Variants in NTRK3 observed in about 807,000 individuals in gnomAD.
The protein encoded by NTRK3 is NT-3 growth factor receptor.
In NTRK3, 24 loss-of-function variants were observed where a neutral mutation model predicts 91.7. That is an observed-to-expected ratio of 0.26 (90% CI 0.19 to 0.37). NTRK3 has a LOEUF of 0.37. Ranked by LOEUF, NTRK3 falls within the 10% of genes least tolerant of loss-of-function variation. The pLI is 1.00. For synonymous variants in NTRK3, 483 were observed against 404.0 expected (o/e 1.20, Z -2.34); for missense variants, 880 against 1,068.9 (o/e 0.82, Z 2.46).
chr15:88,105,715 C>A (rs79910527), intron 13 of NTRK3, among the ~76,000 whole-genome samples: 4,260 of 151,998 alleles, frequency 0.028, 159 homozygotes, highest in East Asian at 0.11. Flanking sequence ...ACACACACCC[C>A]CACACCAGAA....
intron 14 of NTRK3, among the ~76,000 whole-genome samples, chr15:87,975,196 T>C (rs1462483949): frequency 1.3e-5 from 2 of 152,178 alleles, no homozygotes; most frequent in Non-Finnish European, 2.9e-5. Context: ...CAGGACCTCA[T>C]CATGTAATGC....
intron 13 of NTRK3, among the ~76,000 whole-genome samples, chr15:88,091,856 G>A (rs1368299382): frequency 6.6e-6 from 1 of 152,186 alleles, no homozygotes; most frequent in Non-Finnish European, 1.5e-5. Flanking sequence ...CAATTCCTGT[G>A]TGCTATCTAA....
At chr15:88,211,652 G>A (rs949576232) in intron 3 of NTRK3, among the ~76,000 whole-genome samples, 3 of 152,210 alleles carry the variant, frequency 2.0e-5, no homozygotes, top group Non-Finnish European at 4.4e-5. Flanking sequence ...GGAGTCCAAG[G>A]TGAACTAGTT....
At chr15:88,106,782 A>T (rs1032273518) in intron 13 of NTRK3, among the ~76,000 whole-genome samples, 7 of 151,872 alleles carry the variant, frequency 4.6e-5, no homozygotes, top group African/African-American at 7.3e-5. Context: ...AATACAAAAC[A>T]ATTAGCTGGG....
chr15:88,079,670 C>G (rs2047874566), intron 13 of NTRK3, among the ~76,000 whole-genome samples: 1 of 152,112 alleles, frequency 6.6e-6, no homozygotes, highest in Non-Finnish European at 1.5e-5. Context: ...CATTTGACTC[C>G]AAAATTCCAC....
intron 14 of NTRK3, among the ~76,000 whole-genome samples, chr15:88,003,826 A>AT (rs35312227): frequency 0.25 from 33,614 of 136,436 alleles, 4,212 homozygotes; most frequent in Middle Eastern, 0.39. Flanking sequence ...ATATATTTGG[A>AT]TTTTTTTTTT....
rs369458632 is a variant in NTRK3 at position 87,966,069 on chromosome 15, C to T, written c.1586-25316G>A. Among the ~76,000 whole-genome samples, 629 of 145,588 alleles carry T rather than the reference C, an allele frequency of 4.3e-3. 4 individuals carry two copies. Among genetic ancestry groups the T allele is most frequent in the African/African-American group, 0.016 (603 of 37,570 alleles). On this transcript the variant is annotated intron_variant, in intron 14 of 18. Coordinates refer to ENST00000394480, the Ensembl canonical transcript of NTRK3. Reference sequence around the variant, plus strand: ...TTCCAGCCTGGATGATAGAGCAAAACTGTCTCAAACAAACAAACAAACAAA... The same window carrying T: ...TTCCAGCCTGGATGATAGAGCAAAATTGTCTCAAACAAACAAACAAACAAA...
intron 14 of NTRK3, among the ~76,000 whole-genome samples, chr15:87,998,768 A>C (rs915460670): frequency 2.0e-5 from 3 of 152,220 alleles, no homozygotes; most frequent in African/African-American, 7.2e-5. Context: ...CACTGCAATC[A>C]TGCTAATTAA....
chr15:88,143,399 G>T (rs1168894194), intron 6 of NTRK3, among the ~76,000 whole-genome samples: 1 of 152,210 alleles, frequency 6.6e-6, no homozygotes, highest in African/African-American at 2.4e-5. Flanking sequence ...AGCCTTTGAA[G>T]GGAGTGTGGC....
intron 13 of NTRK3, among the ~76,000 whole-genome samples, chr15:88,064,460 T>G (rs929298471): frequency 3.2e-4 from 49 of 152,312 alleles, no homozygotes; most frequent in Middle Eastern, 3.4e-3. Context: ...GGTTCTTTTT[T>G]TTTCTCTAAT....
rs2141953291 is a variant in NTRK3 at position 87,932,992 on chromosome 15, G to A, written c.1889+20C>T. 6.2e-7 allele frequency: 1 copy of A among 1,613,566 alleles called. No homozygotes were observed. Among genetic ancestry groups the A allele is most frequent in the Non-Finnish European group, 8.5e-7 (1 of 1,179,892 alleles). ...CGGTGGGACTGGGGTCAGGTGCAGG[G>A]GAAGACAATCCTTGCTTACCTGAGG... On this transcript the variant is annotated intron_variant, in intron 16 of 18. Coordinates refer to ENST00000394480, the Ensembl canonical transcript of NTRK3.
intron 14 of NTRK3, among the ~76,000 whole-genome samples, chr15:87,974,979 T>C (rs945765988): frequency 2.0e-5 from 3 of 152,106 alleles, no homozygotes; most frequent in African/African-American, 7.2e-5. Flanking sequence ...CAAAAGCATT[T>C]TGAGGTGTCA....
chr15:87,959,026 C>T (rs1361571017), intron 14 of NTRK3, among the ~76,000 whole-genome samples: 1 of 150,184 alleles, frequency 6.7e-6, no homozygotes, highest in Non-Finnish European at 1.5e-5. Flanking sequence ...TCCACTCTAC[C>T]CAATGCCCTT....
Position 87,880,260 on chromosome 15 carries a change from C to G in NTRK3, c.2292+10G>C, listed in dbSNP as rs1484487270. On this transcript the variant is annotated intron_variant, in intron 18 of 18. Transcript: ENST00000394480. ...CCCCCAATCAAGATTCCTACGCACCCCCTTTTTACCTCCGTGTTTGAGAGT... is the reference window on the plus strand; with the variant it reads ...CCCCCAATCAAGATTCCTACGCACCGCCTTTTTACCTCCGTGTTTGAGAGT... 6.2e-7 allele frequency: 1 copy of G among 1,614,026 alleles called. No individual in the cohort carries two copies. Among genetic ancestry groups the G allele is most frequent in the South Asian group, 1.1e-5 (1 of 91,070 alleles).
chr15:88,165,992 C>T (rs1392330602), intron 5 of NTRK3, among the ~76,000 whole-genome samples: 2 of 152,176 alleles, frequency 1.3e-5, no homozygotes, highest in Non-Finnish European at 2.9e-5. Context: ...AGGGGACAAA[C>T]CCACCCACAT....
chr15:87,930,670 G>A (rs1382518977), intron 16 of NTRK3, among the ~76,000 whole-genome samples: 11 of 152,260 alleles, frequency 7.2e-5, no homozygotes, highest in African/African-American at 1.9e-4. Context: ...GAGAACAGCC[G>A]ACAGGATGCC....
intron 14 of NTRK3, among the ~76,000 whole-genome samples, chr15:87,961,068 A>G (rs1160769786): frequency 2.6e-5 from 4 of 152,094 alleles, no homozygotes; most frequent in African/African-American, 4.8e-5. Flanking sequence ...CAGTCTGACT[A>G]ATGCCTACCT....
chr15:88,001,088 C>T (rs957464853), intron 14 of NTRK3, among the ~76,000 whole-genome samples: 19 of 152,178 alleles, frequency 1.2e-4, no homozygotes, highest in African/African-American at 4.6e-4. Flanking sequence ...TTGCATTTCC[C>T]TAATGACTAA....
At chr15:88,133,134 G>T (rs539542695) in intron 10 of NTRK3, among the ~76,000 whole-genome samples, 25 of 152,126 alleles carry the variant, frequency 1.6e-4, no homozygotes, top group Admixed American at 8.5e-4. Context: ...GGATGGGGCT[G>T]GTCCATGGAC....
Sources: gnomAD v4.1 joint callset for allele counts (sites outside exome capture counted in the v4.1 genomes callset) on GRCh38, gnomAD v4.1.1 for gene constraint, MANE v1.5 for transcripts, NCBI Gene and HGNC (gene_info 2026-07-23, HGNC 2026-07-21) for gene names.